Variants in DNAH14 observed in about 807,000 individuals in gnomAD.
The protein encoded by DNAH14 is axonemal beta dynein heavy chain 14.
DNAH14 carries 478 observed loss-of-function variants against 520.9 expected under a neutral mutation model. The ratio of observed to expected loss-of-function variants is 0.92; its 90% CI spans 0.85 to 0.99. The LOEUF (loss-of-function observed/expected upper bound fraction) is 0.99, where lower values mean the gene tolerates loss of function less well. Ranked by LOEUF, DNAH14 falls within the 50% of genes least tolerant of loss-of-function variation. The pLI, the probability that DNAH14 is intolerant of heterozygous loss-of-function variation, is 0.00. For missense variants in DNAH14, 4,831 were observed against 5,234.5 expected, an observed-to-expected ratio of 0.92 and a Z score of 2.38; for synonymous variants, 1,581 against 1,757.2, an observed-to-expected ratio of 0.90 and a Z score of 2.51.
At chr1:225,210,667 T>C (rs2088253752) in intron 41 of DNAH14, among the ~76,000 whole-genome samples, 1 of 152,194 alleles carries the variant, frequency 6.6e-6, no homozygotes, top group Non-Finnish European at 1.5e-5. Context: ...AAGGACAGAC[T>C]GCCTCAAGTG....
At chr1:225,100,929 TAAAGTA>T in intron 23 of DNAH14, 45 bp downstream of exon 23, 10 of 1,409,816 alleles carry the variant, frequency 7.1e-6, no homozygotes, top group Non-Finnish European at 9.4e-6. Flanking sequence ...TTAACAAAAG[TAAAGTA>T]AAAGTGATAT....
chr1:225,043,993 T>TAAAAACAC lies in DNAH14; in HGVS notation c.1912+10_1912+11insAAAAACAC. ...ATGGAAAAATGTATAAGTAAGTGTT[T>TAAAAACAC]TTAAAGCTTAGTGAAATGCATTGTC... On this transcript the variant is annotated intron_variant, in intron 15 of 85. Coordinates refer to ENST00000682510, the MANE Select transcript of DNAH14 (RefSeq NM_001367479.1). 1 of 1,431,098 alleles carries TAAAAACAC rather than the reference T, an allele frequency of 7.0e-7. No individual in the cohort carries two copies. Among genetic ancestry groups the TAAAAACAC allele is most frequent in the South Asian group, 1.3e-5 (1 of 75,152 alleles). The allele number at this position is 1,431,098 out of a possible 1,614,324, so 88.6% of individuals were successfully genotyped here.
chr1:224,974,900 A>G (rs932065050), intron 8 of DNAH14, among the ~76,000 whole-genome samples: 4 of 152,112 alleles, frequency 2.6e-5, no homozygotes, highest in Non-Finnish European at 5.9e-5. Flanking sequence ...GATACGTCCT[A>G]TCAATACCTA....
At chr1:224,987,336 G>C (rs967209798) in intron 8 of DNAH14, among the ~76,000 whole-genome samples, 1 of 152,194 alleles carries the variant, frequency 6.6e-6, no homozygotes, top group Non-Finnish European at 1.5e-5. Context: ...TGGGAAGAGA[G>C]AGACAGAATT....
intron 10 of DNAH14, among the ~76,000 whole-genome samples, chr1:225,019,751 T>C (rs186711780): frequency 6.6e-4 from 101 of 152,274 alleles, no homozygotes; most frequent in Non-Finnish European, 4.4e-4. Context: ...AACCAGCTTC[T>C]GAGTGACTTT....
At chr1:224,997,426 A>AG (rs1296415263) in intron 8 of DNAH14, among the ~76,000 whole-genome samples, 2 of 150,800 alleles carry the variant, frequency 1.3e-5, no homozygotes, top group Non-Finnish European at 3.0e-5. Context: ...CTTCAAAGGC[A>AG]GGTTTTTTTT....
At position 225,318,711 on chromosome 1, in the gene DNAH14, G is replaced by A. The variant is rs927489487; in HGVS notation, c.9335+34G>A. 4.6e-6 allele frequency: 7 copies of A among 1,516,536 alleles called. No homozygotes were observed. In the Admixed American group the frequency reaches 1.3e-4, roughly 29 times the overall value. 93.9% of individuals were successfully genotyped at this position (1,516,536 alleles called of 1,614,324 possible). ...CCTAAGTTTCGTTTGAGTTGGAAAA[G>A]CTCAGAAAAAAACATAAATTCATGT... On this transcript the variant is annotated intron_variant, in intron 61 of 85. Coordinates refer to ENST00000682510, the MANE Select transcript of DNAH14 (RefSeq NM_001367479.1).
In DNAH14 at chr1:225,153,751, A is replaced by T; in HGVS notation, c.5198A>T (p.Asp1733Val). The T allele has an allele frequency of 3.2e-6, 5 of 1,541,306 alleles. No individual in the cohort carries two copies. Among genetic ancestry groups the T allele is most frequent in the Non-Finnish European group, 4.4e-6 (5 of 1,139,236 alleles). The change falls in exon 34 of 86, where the codon GAT becomes GTT. Residue 1733 changes from aspartate (D) to valine (V), a missense_variant and splice_region_variant. Coordinates refer to ENST00000682510, the MANE Select transcript of DNAH14 (RefSeq NM_001367479.1). The part of the protein sequence containing the change: ...ELARKQLSQQ[D>V]HYNFGLRSLK... ...TTCAAATATTTTAATGTTTGATAGG[A>T]TCATTATAATTTTGGCTTGAGATCT... is the stretch of plus-strand genomic sequence containing the variant.
chr1:225,335,874 T>TATGTACATATATGTACATATAC (rs2095012011), intron 66 of DNAH14, among the ~76,000 whole-genome samples: 1 of 36,308 alleles, frequency 2.8e-5, no homozygotes, highest in Non-Finnish European at 5.2e-5. Flanking sequence ...TACATACACA[T>TATGTACATATATGTACATATAC]ATACATATAT....
intron 1 of DNAH14, among the ~76,000 whole-genome samples, chr1:224,944,603 T>G (rs2059666234): frequency 6.6e-6 from 1 of 152,206 alleles, no homozygotes; most frequent in Non-Finnish European, 1.5e-5. Flanking sequence ...GTCTTTACAA[T>G]TTGGCATGTT....
chr1:225,028,189 T>C (rs888303219), intron 11 of DNAH14, among the ~76,000 whole-genome samples: 2 of 152,130 alleles, frequency 1.3e-5, no homozygotes, highest in Non-Finnish European at 2.9e-5. Context: ...TCTGAAAATT[T>C]TATGAAGGAT....
At chr1:225,231,631 G>A (rs980795605) in intron 42 of DNAH14, among the ~76,000 whole-genome samples, 4 of 152,074 alleles carry the variant, frequency 2.6e-5, no homozygotes, top group Non-Finnish European at 4.4e-5. Context: ...TCACTGTTGG[G>A]CATCTTATTA....
chr1:225,159,801 A>G (rs1196031775), intron 35 of DNAH14, among the ~76,000 whole-genome samples: 1 of 152,194 alleles, frequency 6.6e-6, no homozygotes, highest in Non-Finnish European at 1.5e-5. Context: ...AAGGGTGCCT[A>G]GAGAATCAAA....
chr1:225,357,942 AC>A, intron 73 of DNAH14: 4 of 669,466 alleles, frequency 6.0e-6, no homozygotes, highest in South Asian at 5.0e-5. Context: ...TTTCCAGTAT[AC>A]CCTGAACCTC....
rs1473331608 is a variant in DNAH14, at chr1:225,337,387, G to T, written c.10202G>T (p.Trp3401Leu). The T allele has an allele frequency of 1.9e-6, 3 of 1,551,592 alleles. No homozygotes were observed. Among genetic ancestry groups the T allele is most frequent in the Non-Finnish European group, 2.6e-6 (3 of 1,146,962 alleles). The change falls in exon 67 of 86, where the codon TGG (tryptophan) becomes TTG (leucine). Residue 3401 changes from tryptophan (W) to leucine (L), a missense_variant. Coordinates refer to ENST00000682510, the MANE Select transcript of DNAH14 (RefSeq NM_001367479.1). Reference protein sequence around the residue: ...LIDPHRQAHKWIRQMEGSRLQ... With the variant: ...LIDPHRQAHKLIRQMEGSRLQ... ...GACCCACATAGGCAAGCTCACAAAT[G>T]GATCCGTCAGATGGAAGGATCCAGG... is the stretch of plus-strand genomic sequence containing the variant.
At chr1:225,322,018 C>A in intron 61 of DNAH14, among the ~76,000 whole-genome samples, 1 of 150,978 alleles carries the variant, frequency 6.6e-6, no homozygotes, top group Non-Finnish European at 1.5e-5. Context: ...CAACCCTGGA[C>A]TGAAACAAGA....
chr1:225,329,115 C>T (rs1317898085), intron 64 of DNAH14, among the ~76,000 whole-genome samples: 1 of 152,108 alleles, frequency 6.6e-6, no homozygotes, highest in African/African-American at 2.4e-5. Flanking sequence ...GACTGTAAGA[C>T]CACAATCCAA....
chr1:224,977,978 C>T (rs2061985531), intron 8 of DNAH14, among the ~76,000 whole-genome samples: 1 of 152,122 alleles, frequency 6.6e-6, no homozygotes. Flanking sequence ...CACCTCACTC[C>T]AGATAGAATG....
intron 17 of DNAH14, among the ~76,000 whole-genome samples, chr1:225,061,106 C>G (rs924115812): frequency 1.3e-5 from 2 of 152,314 alleles, no homozygotes; most frequent in Middle Eastern, 3.4e-3. Flanking sequence ...TGCCCTGCCC[C>G]CAGAGGTGGA....
Sources: gnomAD v4.1 joint callset for allele counts (sites outside exome capture counted in the v4.1 genomes callset) on GRCh38, gnomAD v4.1.1 for gene constraint, MANE v1.5 for transcripts, NCBI Gene and HGNC (gene_info 2026-07-23, HGNC 2026-07-21) for gene names.